The following TMTC2 variants were observed in gnomAD, a reference collection of about 807,000 sequenced individuals.
The protein encoded by TMTC2 is transmembrane O-mannosyltransferase targeting cadherins 2.
In TMTC2, 43 loss-of-function variants were observed where a neutral mutation model predicts 82.4. The observed-to-expected ratio is 0.52, with a 90% CI of 0.41 to 0.67. The LOEUF is 0.67. TMTC2 is among the 30% of genes least tolerant of loss of function. The pLI, the probability that TMTC2 is intolerant of heterozygous loss-of-function variation, is 0.00. For missense variants in TMTC2, 919 were observed against 1,012.4 expected, an observed-to-expected ratio of 0.91 and a Z score of 1.25; for synonymous variants, 408 against 381.9, an observed-to-expected ratio of 1.07 and a Z score of -0.80.
At chr12:83,011,079 C>T (rs1363497318) in intron 8 of TMTC2, among the ~76,000 whole-genome samples, 2 of 152,206 alleles carry the variant, frequency 1.3e-5, no homozygotes, top group East Asian at 3.9e-4. Context: ...AGGTAATCCA[C>T]CCACGTCGGC....
chr12:82,864,833 T>A (rs2137126354), intron 2 of TMTC2, among the ~76,000 whole-genome samples: 1 of 151,966 alleles, frequency 6.6e-6, no homozygotes, highest in East Asian at 1.9e-4. Flanking sequence ...AAAACGTTTA[T>A]TTTTGGAAGA....
chr12:82,833,437 A>G (rs1388979301), intron 1 of TMTC2, among the ~76,000 whole-genome samples: 1 of 152,242 alleles, frequency 6.6e-6, no homozygotes, highest in African/African-American at 2.4e-5. Context: ...TTAAAATTTC[A>G]GCAGTTTGGG....
At position 83,040,192 on chromosome 12, in the gene TMTC2, G is replaced by C. The variant is rs192529215; in HGVS notation, c.2152+9313G>C. ...ACATTGAAGTCCCTATGACTAGTAA[G>C]TTGGCAGAGCAAGAATTTGAGCCTC... On this transcript the variant is annotated intron_variant, in intron 9 of 11. Coordinates refer to ENST00000321196, the MANE Select transcript of TMTC2 (RefSeq NM_152588.3). Among the ~76,000 whole-genome samples, 3 of 152,336 alleles carry C rather than the reference G, an allele frequency of 2.0e-5. No homozygotes were observed. In the East Asian group the frequency reaches 5.8e-4, roughly 29 times the overall value.
intron 2 of TMTC2, among the ~76,000 whole-genome samples, chr12:82,860,218 C>T (rs986529804): frequency 4.2e-4 from 64 of 152,210 alleles, no homozygotes; most frequent in African/African-American, 1.5e-3. Flanking sequence ...GTGATCCGCC[C>T]GCCTCAGCCT....
chr12:82,938,061 C>T (rs919588722), intron 4 of TMTC2, among the ~76,000 whole-genome samples: 5 of 151,254 alleles, frequency 3.3e-5, no homozygotes, highest in Admixed American at 1.3e-4. Context: ...ATACAGATAC[C>T]CACCACCACA....
At chr12:82,948,936 T>C (rs1565823656) in intron 4 of TMTC2, among the ~76,000 whole-genome samples, 1 of 152,128 alleles carries the variant, frequency 6.6e-6, no homozygotes, top group Non-Finnish European at 1.5e-5. Flanking sequence ...CCATAGTGTA[T>C]CATACTATAC....
chr12:82,884,557 A>G (rs563517357), intron 2 of TMTC2, among the ~76,000 whole-genome samples: 81 of 152,310 alleles, frequency 5.3e-4, no homozygotes, highest in African/African-American at 1.9e-3. Flanking sequence ...AAGCTCATCT[A>G]CATTTAATTT....
At chr12:82,982,426 A>G (rs551597235) in intron 7 of TMTC2, among the ~76,000 whole-genome samples, 1 of 130,488 alleles carries the variant, frequency 7.7e-6, no homozygotes, top group South Asian at 2.9e-4. Flanking sequence ...AACATATTTA[A>G]TTTATCCATA....
intron 4 of TMTC2, among the ~76,000 whole-genome samples, chr12:82,942,414 C>A (rs1294741556): frequency 1.3e-5 from 2 of 152,054 alleles, no homozygotes; most frequent in African/African-American, 4.8e-5. Context: ...GACTTTTGTT[C>A]ATAGAAACAT....
chr12:83,122,402 T>G (rs1884981008), intron 11 of TMTC2, among the ~76,000 whole-genome samples: 1 of 151,816 alleles, frequency 6.6e-6, no homozygotes, highest in Non-Finnish European at 1.5e-5. Flanking sequence ...CCTGGGGCCT[T>G]TTCCCAGTGC....
intron 11 of TMTC2, among the ~76,000 whole-genome samples, chr12:83,121,703 G>A (rs2137561396): frequency 6.6e-6 from 1 of 152,118 alleles, no homozygotes; most frequent in East Asian, 1.9e-4. Context: ...CGGTGTGTGG[G>A]GCCCTAGAAC....
intron 1 of TMTC2, among the ~76,000 whole-genome samples, chr12:82,852,714 T>C (rs920223596): frequency 1.3e-5 from 2 of 152,242 alleles, no homozygotes; most frequent in African/African-American, 4.8e-5. Flanking sequence ...AATCAAAATC[T>C]ATTATGCTTA....
At chr12:82,879,898 T>A (rs1271900481) in intron 2 of TMTC2, among the ~76,000 whole-genome samples, 1 of 152,224 alleles carries the variant, frequency 6.6e-6, no homozygotes, top group Non-Finnish European at 1.5e-5. Context: ...TAGAACAGAA[T>A]GTTTTCTGGG....
intron 7 of TMTC2, among the ~76,000 whole-genome samples, chr12:82,972,337 T>C (rs2137314934): frequency 6.6e-6 from 1 of 152,268 alleles, no homozygotes. Context: ...TATTGGAAAA[T>C]GTATTTTCCT....
At chr12:82,832,672 T>A (rs1192237581) in intron 1 of TMTC2, among the ~76,000 whole-genome samples, 1 of 152,160 alleles carries the variant, frequency 6.6e-6, no homozygotes, top group African/African-American at 2.4e-5. Context: ...AAGGCACAAA[T>A]CTTCACTACA....
At chr12:82,798,436 G>T (rs1379424996) in intron 1 of TMTC2, among the ~76,000 whole-genome samples, 2 of 146,456 alleles carry the variant, frequency 1.4e-5, no homozygotes, top group Non-Finnish European at 3.0e-5. Flanking sequence ...GGCGGAGCTT[G>T]CAGTTAGCAG....
chr12:83,065,490 A>G (rs1882886604), intron 11 of TMTC2, among the ~76,000 whole-genome samples: 1 of 151,996 alleles, frequency 6.6e-6, no homozygotes, highest in Admixed American at 6.6e-5. Flanking sequence ...TTATTACAAA[A>G]TGATACCATT....
chr12:82,978,730 G>A (rs925282212), intron 7 of TMTC2, among the ~76,000 whole-genome samples: 7 of 151,678 alleles, frequency 4.6e-5, no homozygotes, highest in Admixed American at 2.0e-4. Context: ...CAATTAAGTC[G>A]TCTTTCTTTG....
intron 3 of TMTC2, among the ~76,000 whole-genome samples, chr12:82,914,194 A>G (rs187707927): frequency 6.6e-6 from 1 of 152,254 alleles, no homozygotes; most frequent in Admixed American, 6.5e-5. Context: ...TGCATATAGC[A>G]AAGATAATTG....
Sources: allele counts gnomAD v4.1 joint callset (sites outside exome capture counted in the v4.1 genomes callset), GRCh38; gene constraint gnomAD v4.1.1; transcripts MANE v1.5; gene names NCBI Gene and HGNC (gene_info 2026-07-23, HGNC 2026-07-21).